The following COLEC10 variants were observed in gnomAD, a reference collection of about 807,000 sequenced individuals.
COLEC10 encodes collectin subfamily member 10.
COLEC10 carries 22 observed loss-of-function variants against 28.4 expected under a neutral mutation model. The observed-to-expected ratio is 0.78, with a 90% CI of 0.55 to 1.11. The LOEUF is 1.11. COLEC10 is among the 50% of genes least tolerant of loss of function. COLEC10 has a pLI of 0.00. For missense variants in COLEC10, 361 were observed against 344.1 expected (o/e 1.05, Z -0.39); for synonymous variants, 125 against 116.1 (o/e 1.08, Z -0.49).
At chr8:119,005,298 T>A (rs986464474) in intron 1 of COLEC10, among the ~76,000 whole-genome samples, 6 of 152,154 alleles carry the variant, frequency 3.9e-5, no homozygotes, top group Non-Finnish European at 2.9e-5. Context: ...ATAAACCTCT[T>A]ATTTTAATCA....
intron 2 of COLEC10, among the ~76,000 whole-genome samples, chr8:119,018,875 C>T (rs376210857): frequency 6.6e-6 from 1 of 152,086 alleles, no homozygotes; most frequent in East Asian, 1.9e-4. Context: ...CATACACATC[C>T]CCCCAGTACC....
At chr8:119,098,800 A>G (rs1488237927) in intron 3 of COLEC10, among the ~76,000 whole-genome samples, 4 of 152,222 alleles carry the variant, frequency 2.6e-5, no homozygotes, top group East Asian at 1.9e-4. Context: ...TATGCCATCA[A>G]ATTTATGAGC....
rs1206393349 is a variant in COLEC10 at position 119,093,354 on chromosome 8, G to T, written c.292+2134G>T. Among the ~76,000 whole-genome samples the T allele has an allele frequency of 3.9e-5, 6 of 152,208 alleles. No homozygotes were observed. In the South Asian group the frequency reaches 1.2e-3, roughly 31 times the overall value. ...GCCTGCATTCGGAGGCAGGGATGAA[G>T]GGCAGTGCCACTGAAGAGAAATTGC... On this transcript the variant is annotated intron_variant, in intron 3 of 5. Coordinates refer to ENST00000332843, the MANE Select transcript of COLEC10 (RefSeq NM_006438.5).
the COLEC10 span, among the ~76,000 whole-genome samples, chr8:118,962,161 C>T: frequency 1.6e-3 from 243 of 152,252 alleles, no homozygotes; most frequent in African/African-American, 5.7e-3. Context: ...TGGGGCAGCA[C>T]GTTGAAGTCC....
At chr8:118,983,111 C>T in the COLEC10 span, among the ~76,000 whole-genome samples, 1 of 152,184 alleles carries the variant, frequency 6.6e-6, no homozygotes, top group East Asian at 1.9e-4. Context: ...TGAGCCGTTG[C>T]TCTGAACTTA....
the COLEC10 span, among the ~76,000 whole-genome samples, chr8:118,975,491 T>C: frequency 2.6e-5 from 4 of 152,054 alleles, no homozygotes; most frequent in South Asian, 2.1e-4. Context: ...TATATTTTAA[T>C]GAATGTGATG....
intron 2 of COLEC10, among the ~76,000 whole-genome samples, chr8:119,061,609 C>T (rs1341717950): frequency 6.6e-6 from 1 of 151,928 alleles, no homozygotes; most frequent in Non-Finnish European, 1.5e-5. Flanking sequence ...ACTGGAATCC[C>T]ATACCCAGCC....
chr8:118,997,375 C>T (rs1193822621), intron 1 of COLEC10, among the ~76,000 whole-genome samples: 1 of 152,148 alleles, frequency 6.6e-6, no homozygotes, highest in Non-Finnish European at 1.5e-5. Context: ...TCCAATAAAT[C>T]ATTTTCAAGA....
chr8:119,053,208 T>C (rs2130180511), intron 2 of COLEC10, among the ~76,000 whole-genome samples: 1 of 152,246 alleles, frequency 6.6e-6, no homozygotes, highest in Middle Eastern at 3.4e-3. Context: ...GGGGGGACTA[T>C]GTTCTATCTG....
At chr8:119,063,751 G>A (rs1400301528), upstream of COLEC10, among the ~76,000 whole-genome samples, 7 of 150,358 alleles carry the variant, frequency 4.7e-5, no homozygotes, top group African/African-American at 1.5e-4. Flanking sequence ...AAAGAAAAGA[G>A]TAGAGGAATA....
the COLEC10 span, among the ~76,000 whole-genome samples, chr8:118,968,235 G>A: frequency 6.6e-6 from 1 of 151,836 alleles, no homozygotes; most frequent in Non-Finnish European, 1.5e-5. Context: ...TAGGAACTCT[G>A]AGTGTGAATT....
chr8:119,085,470 G>C (rs2130265870), intron 1 of COLEC10, among the ~76,000 whole-genome samples: 1 of 152,196 alleles, frequency 6.6e-6, no homozygotes, highest in Non-Finnish European at 1.5e-5. Context: ...GGCATAGATG[G>C]GAAGAAGATG....
upstream of COLEC10, among the ~76,000 whole-genome samples, chr8:119,065,434 C>T (rs571978575): frequency 3.5e-4 from 54 of 152,210 alleles, no homozygotes; most frequent in Admixed American, 1.2e-3. Context: ...CCCATCATCC[C>T]CAGATGGGAG....
intron 1 of COLEC10, among the ~76,000 whole-genome samples, chr8:119,080,786 G>C (rs1019387134): frequency 1.3e-5 from 2 of 151,870 alleles, no homozygotes; most frequent in African/African-American, 2.4e-5. Context: ...ATCATTAATA[G>C]CTTAGTATTA....
intron 2 of COLEC10, among the ~76,000 whole-genome samples, chr8:119,033,620 G>A (rs1274314018): frequency 6.6e-6 from 1 of 152,026 alleles, no homozygotes; most frequent in East Asian, 1.9e-4. Flanking sequence ...CATTTATGCA[G>A]CCAACAAACA....
intron 2 of COLEC10, among the ~76,000 whole-genome samples, chr8:119,050,857 A>G (rs888448972): frequency 6.6e-6 from 1 of 152,228 alleles, no homozygotes; most frequent in African/African-American, 2.4e-5. Context: ...TGATCTGTCC[A>G]TAACTCCTAC....
At chr8:119,040,250 A>G (rs7840864) in intron 2 of COLEC10, among the ~76,000 whole-genome samples, 2,206 of 152,320 alleles carry the variant, frequency 0.014, 50 homozygotes, top group African/African-American at 0.051. Context: ...ACCAACCACA[A>G]CAATGACATA....
chr8:119,071,951 C>A (rs939460625), intron 1 of COLEC10, among the ~76,000 whole-genome samples: 1 of 152,178 alleles, frequency 6.6e-6, no homozygotes, highest in Non-Finnish European at 1.5e-5. Context: ...CTCCTGGGGG[C>A]CATGGCCATT....
At chr8:119,102,172 A>G (rs1815842320) in intron 3 of COLEC10, among the ~76,000 whole-genome samples, 176 bp from the exon 4 acceptor site, 1 of 152,040 alleles carries the variant, frequency 6.6e-6, no homozygotes, top group Non-Finnish European at 1.5e-5. Flanking sequence ...TGCAAATACA[A>G]TTTAAACTGC....
Sources: allele counts gnomAD v4.1 joint callset (sites outside exome capture counted in the v4.1 genomes callset), GRCh38; gene constraint gnomAD v4.1.1; transcripts MANE v1.5; gene names NCBI Gene and HGNC (gene_info 2026-07-23, HGNC 2026-07-21).